Variants in CEP68 observed in about 807,000 individuals in gnomAD.
CEP68 encodes centrosomal protein 68.
CEP68 carries 26 observed loss-of-function variants against 55.3 expected under a neutral mutation model. The ratio of observed to expected loss-of-function variants is 0.47; its 90% confidence interval spans 0.34 to 0.65. The LOEUF is 0.65. CEP68 is among the 30% of genes least tolerant of loss of function. The pLI is 0.01. For synonymous variants in CEP68, 402 were observed against 383.2 expected, an observed-to-expected ratio of 1.05 and a Z score of -0.57; for missense variants, 957 against 946.7, an observed-to-expected ratio of 1.01 and a Z score of -0.14.
chr2:65,077,931 ATTC>A lies in CEP68; in HGVS notation c.2078_2080del (p.Leu693del). 6.2e-7 allele frequency: 1 copy of A among 1,613,940 alleles called. No homozygotes were observed. Among genetic ancestry groups the A allele is most frequent in the East Asian group, 2.2e-5 (1 of 44,878 alleles). On this transcript the variant is annotated inframe_deletion, in exon 5 of 7. Transcript: ENST00000377990. ...GGAGAGTGTCTTACAGAAGGGGGAGATTCTTCTTCAGTGCCTGTTGGAGAACAC... is the reference window on the plus strand; with the variant it reads ...GGAGAGTGTCTTACAGAAGGGGGAGATTCTTCAGTGCCTGTTGGAGAACAC...
chr2:65,076,167 T>A (rs188185628), intron 4 of CEP68, among the ~76,000 whole-genome samples: 140 of 151,916 alleles, frequency 9.2e-4, no homozygotes, highest in African/African-American at 3.4e-3. Context: ...ACTCCAAGGG[T>A]CCTGTATGCA....
chr2:65,056,729 C>T (rs542965196), intron 1 of CEP68, among the ~76,000 whole-genome samples: 5 of 152,044 alleles, frequency 3.3e-5, no homozygotes, highest in Non-Finnish European at 5.9e-5. Context: ...GGGGGCGCCT[C>T]GTGCCTTCGC....
At chr2:65,075,729 G>C (rs1035821270) in intron 4 of CEP68, among the ~76,000 whole-genome samples, 2 of 152,176 alleles carry the variant, frequency 1.3e-5, no homozygotes, top group African/African-American at 4.8e-5. Context: ...ATCTCTTCAT[G>C]AAGAAGCAGA....
At chr2:65,075,438 G>A (rs35638142) in intron 4 of CEP68, among the ~76,000 whole-genome samples, 2,520 of 152,118 alleles carry the variant, frequency 0.017, 25 homozygotes, top group Middle Eastern at 0.027. Context: ...GTTTGTGTGC[G>A]TGTGTATGTA....
At chr2:65,061,534 A>G (rs1395045848) in intron 1 of CEP68, among the ~76,000 whole-genome samples, 2 of 152,230 alleles carry the variant, frequency 1.3e-5, no homozygotes, top group African/African-American at 4.8e-5. Flanking sequence ...CGTAGCTTTG[A>G]GTCTTTTCTT....
Position 65,071,721 on chromosome 2 carries a change from G to A in CEP68, c.625G>A (p.Gly209Ser). ...SASSTGSSLQ[G>S]HQERAEPRGG... ...TTCCTCCACAGGCAGCAGTCTCCAG[G>A]GTCACCAGGAGAGGGCGGAGCCTCG... The change falls in exon 3 of 7, where the codon GGT (glycine) becomes AGT (serine). Residue 209 changes from glycine (G) to serine (S), a missense_variant. Transcript: ENST00000377990. 1.2e-6 allele frequency: 2 copies of A among 1,614,012 alleles called. No individual in the cohort carries two copies. Among genetic ancestry groups the A allele is most frequent in the Non-Finnish European group, 1.7e-6 (2 of 1,180,022 alleles).
At chr2:65,073,180 CAG>C (rs1676585722) in intron 3 of CEP68, 200 bp downstream of exon 3, 5 of 694,882 alleles carry the variant, frequency 7.2e-6, no homozygotes, top group South Asian at 1.6e-5. Flanking sequence ...GAGGAAAGAG[CAG>C]AGAGAGGTTA....
Position 65,084,033 on chromosome 2 carries a change from C to CT in CEP68, c.*400dup, listed in dbSNP as rs1221247342. 1 of 152,164 alleles carries CT rather than the reference C, an allele frequency of 6.6e-6. No individual in the cohort carries two copies. Among genetic ancestry groups the CT allele is most frequent in the Non-Finnish European group, 1.5e-5 (1 of 68,030 alleles). The allele number at this position is 152,164 out of a possible 1,614,324, so 9.4% of individuals were successfully genotyped here. On this transcript the variant is annotated 3_prime_UTR_variant, in exon 7 of 7. Transcript: ENST00000377990. ...AATATTCTCAGGCATGCAAGAGGAC[C>CT]TAAGAGACTGAAAAAAGTGAATTGT...
At chr2:65,074,564 C>A in intron 4 of CEP68, 160 bp downstream of exon 4, 1 of 1,053,894 alleles carries the variant, frequency 9.5e-7, no homozygotes, top group Non-Finnish European at 1.4e-6. Context: ...TAAAGCGGAA[C>A]GCTTTGTAAA....
chr2:65,073,947 C>G (rs367998091), intron 3 of CEP68: 1 of 233,018 alleles, frequency 4.3e-6, no homozygotes, highest in African/African-American at 2.3e-5. Flanking sequence ...GAAACATGGA[C>G]GTATCTGGCT....
intron 4 of CEP68, among the ~76,000 whole-genome samples, chr2:65,077,046 A>T (rs1406658846): frequency 8.2e-6 from 1 of 121,822 alleles, no homozygotes; most frequent in African/African-American, 3.3e-5. Flanking sequence ...CCCAGGCTGG[A>T]GTGCAATGGT....
chr2:65,079,311 G>A (rs1676901916), intron 5 of CEP68, among the ~76,000 whole-genome samples: 1 of 152,188 alleles, frequency 6.6e-6, no homozygotes. Context: ...ATTGTCCTAT[G>A]CATTGCAGGA....
intron 1 of CEP68, among the ~76,000 whole-genome samples, chr2:65,060,205 T>C (rs1208830382): frequency 6.6e-6 from 1 of 150,498 alleles, no homozygotes; most frequent in East Asian, 1.9e-4. Flanking sequence ...CCCTGAGCTT[T>C]GTAGCAGCCA....
At chr2:65,062,541 A>G (rs1165534009) in intron 1 of CEP68, among the ~76,000 whole-genome samples, 1 of 150,224 alleles carries the variant, frequency 6.7e-6, no homozygotes, top group Non-Finnish European at 1.5e-5. Context: ...TCAAAAAAAA[A>G]AAAAAAAAAA....
At chr2:65,070,530 A>AG (rs1676410886) in intron 2 of CEP68, among the ~76,000 whole-genome samples, 1 of 151,912 alleles carries the variant, frequency 6.6e-6, no homozygotes, top group East Asian at 1.9e-4. Context: ...TGGCTGCTGC[A>AG]GGGTCCCCTT....
chr2:65,080,468 A>T, intron 5 of CEP68: 1 of 985,432 alleles, frequency 1.0e-6, no homozygotes, highest in Non-Finnish European at 1.2e-6. Context: ...GTTTTGTTCC[A>T]GTCCTTCCCA....
rs548939324 is a variant in CEP68 at position 65,069,395 on chromosome 2, G to C, written c.-46-4G>C. The stretch of plus-strand genomic sequence containing the variant: ...ATTTTTCTCTCCCTTCCCCTGTTTT[G>C]TAGGAAGCTGAAGTCTTCAGCAGAA... On this transcript the variant is annotated splice_region_variant and splice_polypyrimidine_tract_variant and intron_variant, in intron 1 of 6. Coordinates refer to ENST00000377990, the MANE Select transcript of CEP68 (RefSeq NM_015147.3). 114 of 1,365,060 alleles carry C rather than the reference G, an allele frequency of 8.4e-5. No individual in the cohort carries two copies. Among genetic ancestry groups the C allele is most frequent in the Middle Eastern group, 1.9e-4 (1 of 5,236 alleles). The allele number at this position is 1,365,060 out of a possible 1,614,324, so 84.6% of individuals were successfully genotyped here.
intron 3 of CEP68, 144 bp from the exon 4 acceptor site, chr2:65,074,138 G>C (rs527324548): frequency 2.3e-6 from 2 of 867,538 alleles, no homozygotes; most frequent in Non-Finnish European, 1.8e-6. Context: ...CAGAGTCGTG[G>C]AGTCGGGACA....
At chr2:65,076,751 G>A (rs1013585850) in intron 4 of CEP68, among the ~76,000 whole-genome samples, 1 of 152,048 alleles carries the variant, frequency 6.6e-6, no homozygotes, top group African/African-American at 2.4e-5. Flanking sequence ...GTAAATCCAA[G>A]GGTAAAACTA....
Sources: gnomAD v4.1 joint callset for allele counts (sites outside exome capture counted in the v4.1 genomes callset) on GRCh38, gnomAD v4.1.1 for gene constraint, MANE v1.5 for transcripts, NCBI Gene and HGNC (gene_info 2026-07-23, HGNC 2026-07-21) for gene names.